Variants in XPNPEP1 observed in about 807,000 individuals in gnomAD.
XPNPEP1 encodes X-prolyl aminopeptidase 1.
XPNPEP1 carries 39 observed loss-of-function variants against 92.4 expected under a neutral mutation model. That is an observed-to-expected ratio of 0.42 (90% CI 0.33 to 0.55). The LOEUF (loss-of-function observed/expected upper bound fraction) is 0.55. XPNPEP1 is among the 20% of genes least tolerant of loss of function. The pLI, the probability that XPNPEP1 is intolerant of heterozygous loss-of-function variation, is 0.08. For missense variants in XPNPEP1, 654 were observed against 856.1 expected (o/e 0.76, Z 2.95); for synonymous variants, 307 against 299.4 (o/e 1.03, Z -0.26).
chr10:109,913,387 C>T (rs189535647), intron 2 of XPNPEP1, among the ~76,000 whole-genome samples: 14 of 152,292 alleles, frequency 9.2e-5, no homozygotes, highest in Admixed American at 3.3e-4. Context: ...TCCCAAGTCT[C>T]GTTATAAGAA....
chr10:109,884,204 G>C (rs1848263615), intron 8 of XPNPEP1, 56 bp from the exon 9 acceptor site: 1 of 1,550,538 alleles, frequency 6.4e-7, no homozygotes, highest in Non-Finnish European at 8.9e-7. Flanking sequence ...TTAAGGGGTC[G>C]CTTGTAGCGG....
At chr10:109,916,591 T>C (rs1309492435) in intron 1 of XPNPEP1, among the ~76,000 whole-genome samples, 1 of 152,242 alleles carries the variant, frequency 6.6e-6, no homozygotes, top group East Asian at 1.9e-4. Context: ...CCAATGACTC[T>C]AGGCCTGCTT....
intron 3 of XPNPEP1, 112 bp from the exon 4 acceptor site, chr10:109,893,187 TG>T (rs1023773833): frequency 1.0e-6 from 1 of 960,344 alleles, no homozygotes; most frequent in African/African-American, 1.6e-5. Context: ...GGGGAATCCT[TG>T]GCCCCCGCCC....
chr10:109,870,108 T>C (rs2133352542), intron 18 of XPNPEP1, 79 bp from the exon 19 acceptor site: 3 of 1,472,078 alleles, frequency 2.0e-6, no homozygotes, highest in Non-Finnish European at 2.8e-6. Context: ...ACTCCTTGGA[T>C]GACTGCCCTA....
At chr10:109,915,418 C>T (rs532632852) in intron 1 of XPNPEP1, among the ~76,000 whole-genome samples, 11 of 152,112 alleles carry the variant, frequency 7.2e-5, no homozygotes, top group East Asian at 1.9e-4. Context: ...CACATCTGCC[C>T]GTTCTTTCTT....
intron 15 of XPNPEP1, 109 bp from the exon 16 acceptor site, chr10:109,873,536 A>G: frequency 7.6e-7 from 1 of 1,312,032 alleles, no homozygotes. Context: ...GCTGGTGGGC[A>G]TGTAAAATAG....
chr10:109,922,972 A>G (rs1850632954), intron 1 of XPNPEP1, among the ~76,000 whole-genome samples: 1 of 152,100 alleles, frequency 6.6e-6, no homozygotes, highest in Non-Finnish European at 1.5e-5. Flanking sequence ...AGGAGTCAGT[A>G]TTGTCGAGAT....
chr10:109,910,503 C>T (rs1849807390), intron 2 of XPNPEP1, among the ~76,000 whole-genome samples: 1 of 150,904 alleles, frequency 6.6e-6, no homozygotes, highest in Admixed American at 6.6e-5. Flanking sequence ...GAGATCACAC[C>T]ATTGCACTCC....
intron 3 of XPNPEP1, among the ~76,000 whole-genome samples, chr10:109,896,221 A>T (rs954008292): frequency 1.3e-5 from 2 of 151,362 alleles, no homozygotes; most frequent in Admixed American, 1.3e-4. Flanking sequence ...TATAATAGCC[A>T]CCTGGCCACT....
At position 109,868,658 on chromosome 10, in the gene XPNPEP1, T is replaced by G. The variant is rs1459384127; in HGVS notation, c.1828A>C (p.Ile610Leu). The G allele has an allele frequency of 1.2e-6, 2 of 1,614,068 alleles. No individual in the cohort carries two copies. The highest frequency in any genetic ancestry group is 3.3e-5 in the Admixed American group (2 of 60,020). Residue 610 changes from isoleucine to leucine, a missense_variant, in exon 20 of 21, where the codon ATT (isoleucine) becomes CTT (leucine). By Grantham distance (5) the Ile-to-Leu change is conservative. Coordinates refer to ENST00000502935, the MANE Select transcript of XPNPEP1 (RefSeq NM_020383.4). ...TCCACATCTATCATTTTGGTCTGAA[T>G]TGGAACCAATGTTAGAGGTTCAAAG... ...LTFEPLTLVPIQTKMIDVDSL... is the reference protein window; with the variant it reads ...LTFEPLTLVPLQTKMIDVDSL...
rs1847340879 is a variant in XPNPEP1 at position 109,869,715 on chromosome 10, C to T, written c.1773+238G>A. On this transcript the variant is annotated intron_variant, in intron 19 of 20. Transcript: ENST00000502935. ...AGTTCATTAAGGATTTTCTTTCTGG[C>T]TTTGCAGGGAAGGAGTGTGGTTTCC... 3 of 428,006 alleles carry T rather than the reference C, an allele frequency of 7.0e-6. No homozygotes were observed. The East Asian group carries it at 1.3e-4, about 18-fold the overall frequency. The allele number at this position is 428,006 out of a possible 1,614,324, so 26.5% of individuals were successfully genotyped here.
At chr10:109,908,652 CTTAT>C (rs1238768349) in intron 2 of XPNPEP1, among the ~76,000 whole-genome samples, 1 of 152,076 alleles carries the variant, frequency 6.6e-6, no homozygotes, top group Admixed American at 6.6e-5. Flanking sequence ...ATAGATTGTT[CTTAT>C]TTATTTAAAA....
intron 3 of XPNPEP1, among the ~76,000 whole-genome samples, chr10:109,903,919 A>C (rs1339846159): frequency 6.8e-6 from 1 of 148,014 alleles, no homozygotes; most frequent in Non-Finnish European, 1.5e-5. Flanking sequence ...ATCTCAGCTC[A>C]CTGCAACCTC....
intron 20 of XPNPEP1, among the ~76,000 whole-genome samples, chr10:109,866,116 G>A (rs1359970023): frequency 6.6e-6 from 1 of 152,174 alleles, no homozygotes; most frequent in Admixed American, 6.5e-5. Context: ...GTAGCTGTCT[G>A]GAAGCTGATG....
At position 109,907,677 on chromosome 10, in the gene XPNPEP1, T is replaced by C. The variant is rs778882407; in HGVS notation, c.246+14A>G. 2.7e-5 allele frequency: 44 copies of C among 1,613,942 alleles called. No homozygotes were observed. The highest frequency in any genetic ancestry group is 3.3e-5 in the Non-Finnish European group (39 of 1,179,970). ...AGACTGAAAAGAAAGGAGAGGCCCA[T>C]TGCCATGCAGTACCTGATGAGCATC... On this transcript the variant is annotated intron_variant, in intron 3 of 20. Transcript: ENST00000502935.
chr10:109,871,662 A>C, intron 17 of XPNPEP1, 130 bp downstream of exon 17: 8 of 1,029,992 alleles, frequency 7.8e-6, no homozygotes, highest in Non-Finnish European at 1.1e-5. Context: ...CCCCATGAGC[A>C]CCTGGCTGGG....
chr10:109,888,051 G>A lies in XPNPEP1; in HGVS notation c.650C>T (p.Thr217Ile). ...KPLLTLGLDY[T>I]GISWKDKVAD... ...TGGGCAGAACCATTGATTCTGACCT[G>A]TGTAATCCAGGCCCAGTGTGAGGAG... The change falls in exon 7 of 21, where the codon ACA becomes ATA. Residue 217 changes from threonine (T) to isoleucine (I), a missense_variant and splice_region_variant. By Grantham distance (89) the Thr-to-Ile change is moderately conservative. Coordinates refer to ENST00000502935, the MANE Select transcript of XPNPEP1 (RefSeq NM_020383.4). 6.2e-7 allele frequency: 1 copy of A among 1,614,002 alleles called. No individual in the cohort carries two copies. The highest frequency in any genetic ancestry group is 8.5e-7 in the Non-Finnish European group (1 of 1,180,002).
rs1847063682 is a variant in XPNPEP1 at position 109,865,179 on chromosome 10, A to G, written c.*5T>C. The G allele has an allele frequency of 6.2e-7, 1 of 1,614,100 alleles. No individual in the cohort carries two copies. Among genetic ancestry groups the G allele is most frequent in the Non-Finnish European group, 8.5e-7 (1 of 1,179,972 alleles). The stretch of plus-strand genomic sequence containing the variant: ...TTTACAAAAACAAAACCGGGGAGGT[A>G]TTTATTAATGCTGTTTGGAGATGGG... On this transcript the variant is annotated 3_prime_UTR_variant, in exon 21 of 21. Transcript: ENST00000502935.
At position 109,870,925 on chromosome 10, in the gene XPNPEP1, C is replaced by T. The variant is rs1213590562; in HGVS notation, c.1523-21G>A. ...GTGACCTGAAAGACATAAAGAGCCA[C>T]TTAATTGTATTTGTACAGCGCTTTA... On this transcript the variant is annotated intron_variant, in intron 17 of 20. Coordinates refer to ENST00000502935, the MANE Select transcript of XPNPEP1 (RefSeq NM_020383.4). 3.1e-6 allele frequency: 5 copies of T among 1,610,432 alleles called. 1 individual carries two copies. The highest frequency in any genetic ancestry group is 1.7e-5 in the Admixed American group (1 of 59,176).
Sources: gnomAD v4.1 joint callset for allele counts (sites outside exome capture counted in the v4.1 genomes callset) on GRCh38, gnomAD v4.1.1 for gene constraint, MANE v1.5 for transcripts, NCBI Gene and HGNC (gene_info 2026-07-23, HGNC 2026-07-21) for gene names.